Variants in ANAPC4 observed in about 807,000 individuals in gnomAD.
ANAPC4 encodes anaphase promoting complex subunit 4, also known as anaphase-promoting complex subunit 4.
ANAPC4 carries 63 observed loss-of-function variants against 119.8 expected under a neutral mutation model. The ratio of observed to expected loss-of-function variants is 0.53; its 90% CI spans 0.43 to 0.65. The LOEUF is 0.65. Among genes scored for constraint, ANAPC4 ranks in the 30% least tolerant of loss-of-function variants. The pLI is 0.00. For synonymous variants in ANAPC4, 283 were observed against 318.6 expected, an observed-to-expected ratio of 0.89 and a Z score of 1.19; for missense variants, 716 against 945.1, an observed-to-expected ratio of 0.76 and a Z score of 3.18.
Position 25,388,893 on chromosome 4 carries a change from C to A in ANAPC4, c.515+11C>A. On this transcript the variant is annotated intron_variant, in intron 7 of 28. Coordinates refer to ENST00000315368, the MANE Select transcript of ANAPC4 (RefSeq NM_013367.3). Reference sequence around the variant, plus strand: ...CTTGGGAGACGTCAGGTAAATCTTACAGATAAATAAGTCTAATTTCTTAAA... The same window carrying A: ...CTTGGGAGACGTCAGGTAAATCTTAAAGATAAATAAGTCTAATTTCTTAAA... 6.3e-7 allele frequency: 1 copy of A among 1,575,756 alleles called. No individual in the cohort carries two copies. The highest frequency in any genetic ancestry group is 2.3e-5 in the East Asian group (1 of 44,340).
chr4:25,408,908 C>T (rs1723419796), intron 20 of ANAPC4, among the ~76,000 whole-genome samples: 1 of 152,122 alleles, frequency 6.6e-6, no homozygotes, highest in South Asian at 2.1e-4. Context: ...ATTAAAGATT[C>T]GTACTCAAGG....
rs1437964521 is a variant in ANAPC4, at chr4:25,390,217, A to G, written c.597A>G (p.Thr199=). 2 of 1,606,826 alleles carry G rather than the reference A, an allele frequency of 1.2e-6. No homozygotes were observed. The highest frequency in any genetic ancestry group is 8.5e-7 in the Non-Finnish European group (1 of 1,174,722). Residue 199 remains threonine (T), a synonymous_variant, in exon 8 of 29, where the codon ACA becomes ACG. Coordinates refer to ENST00000315368, the MANE Select transcript of ANAPC4 (RefSeq NM_013367.3). ...GAATGTTTAAAATTGCTCGAGTCAC[A>G]GGGGTAAGATTTCTTTAACATTTTC... ...AYGMFKIARV[T]GIAGTCLALC...
Position 25,383,274 on chromosome 4 carries a change from T to C in ANAPC4, c.249T>C (p.Ala83=), listed in dbSNP as rs746836321. 3.1e-6 allele frequency: 5 copies of C among 1,605,360 alleles called. No individual in the cohort carries two copies. The highest frequency in any genetic ancestry group is 4.2e-6 in the Non-Finnish European group (5 of 1,177,368). The change falls in exon 4 of 29, where the codon GCT becomes GCC. Residue 83 remains alanine (A), a synonymous_variant. Transcript: ENST00000315368. ...WRPDGKLLAF[A]LADTKKIVLC... is the part of the protein sequence containing the mutation. Reference sequence around the variant, plus strand: ...TTCTTGTTTTAGTTTTGGCCTTTGCTCTTGCTGATACCAAGAAAATTGTTT... The same window carrying C: ...TTCTTGTTTTAGTTTTGGCCTTTGCCCTTGCTGATACCAAGAAAATTGTTT...
chr4:25,407,285 G>A (rs1415469272), intron 20 of ANAPC4, 32 bp downstream of exon 20: 1 of 1,534,966 alleles, frequency 6.5e-7, no homozygotes, highest in East Asian at 2.3e-5. Flanking sequence ...TAAAACCTTA[G>A]CAGTGTTCAT....
intron 27 of ANAPC4, 189 bp downstream of exon 27, chr4:25,416,787 T>A: frequency 2.6e-6 from 1 of 388,908 alleles, no homozygotes; most frequent in Non-Finnish European, 4.5e-6. Context: ...TTTTTGTCCC[T>A]TTGCTTTACT....
intron 16 of ANAPC4, among the ~76,000 whole-genome samples, chr4:25,397,966 A>AT (rs1255948741): frequency 4.0e-5 from 6 of 151,808 alleles, no homozygotes; most frequent in African/African-American, 1.5e-4. Context: ...GGGTCTTTCT[A>AT]TGTTGCCCAG....
At position 25,417,538 on chromosome 4, in the gene ANAPC4, C is replaced by A. The variant is rs896335286; in HGVS notation, c.2076-78C>A. The A allele has an allele frequency of 6.4e-6, 9 of 1,412,152 alleles. No homozygotes were observed. In the African/African-American group the frequency reaches 8.7e-5, roughly 14 times the overall value. The allele number at this position is 1,412,152 out of a possible 1,614,324, so 87.5% of individuals were successfully genotyped here. ...GAGTAGAAGTCAAAACCATAATTGA[C>A]CCTAATACCACCTGTAGTAAAACTA... On this transcript the variant is annotated intron_variant, in intron 27 of 28. Coordinates refer to ENST00000315368, the MANE Select transcript of ANAPC4 (RefSeq NM_013367.3).
rs201421729 is a variant in ANAPC4 at position 25,380,409 on chromosome 4, T to G, written c.165T>G (p.Val55=). The G allele has an allele frequency of 6.2e-7, 1 of 1,613,382 alleles. No homozygotes were observed. Among genetic ancestry groups the G allele is most frequent in the African/African-American group, 1.3e-5 (1 of 75,054 alleles). ...ATCGACTGGCAAGTTTTCATCGAGTTTGGAGTTTTCCACCAAATGAAAATA... is the reference window on the plus strand; with the variant it reads ...ATCGACTGGCAAGTTTTCATCGAGTGTGGAGTTTTCCACCAAATGAAAATA... ...LLHRLASFHR[V]WSFPPNENTG... Residue 55 remains valine, a synonymous_variant, in exon 3 of 29, where the codon GTT becomes GTG. Coordinates refer to ENST00000315368, the MANE Select transcript of ANAPC4 (RefSeq NM_013367.3).
At chr4:25,404,671 T>C (rs1165865253) in intron 17 of ANAPC4, among the ~76,000 whole-genome samples, 2 of 152,164 alleles carry the variant, frequency 1.3e-5, no homozygotes, top group East Asian at 3.8e-4. Flanking sequence ...GGGCAGGACA[T>C]TGTAGAAAGC....
chr4:25,387,277 A>C (rs1722092048), intron 4 of ANAPC4, among the ~76,000 whole-genome samples: 1 of 152,088 alleles, frequency 6.6e-6, no homozygotes, highest in Non-Finnish European at 1.5e-5. Context: ...TTTTTTGGGG[A>C]AATATGCTAA....
chr4:25,380,237 TGTC>T, intron 2 of ANAPC4, 134 bp from the exon 3 acceptor site: 1 of 530,006 alleles, frequency 1.9e-6, no homozygotes, highest in African/African-American at 1.9e-5. Flanking sequence ...CAGACACTGT[TGTC>T]TTTTTCTATT....
At chr4:25,415,391 T>A in intron 25 of ANAPC4, 75 bp from the exon 26 acceptor site, 2 of 1,153,936 alleles carry the variant, frequency 1.7e-6, no homozygotes, top group Non-Finnish European at 2.5e-6. Flanking sequence ...ACAATCATGT[T>A]CTTTTAAGCC....
chr4:25,414,454 C>T lies in ANAPC4; in HGVS notation c.1686-12C>T, dbSNP rs190809919. ...TTAAATTTTTCTCATTTCTTTTTCC[C>T]TTTTATTTTAGTGAGGATTCTACAC... On this transcript the variant is annotated splice_polypyrimidine_tract_variant and intron_variant, in intron 23 of 28. Coordinates refer to ENST00000315368, the MANE Select transcript of ANAPC4 (RefSeq NM_013367.3). 1 of 1,599,788 alleles carries T rather than the reference C, an allele frequency of 6.3e-7. No individual in the cohort carries two copies. The highest frequency in any genetic ancestry group is 2.2e-5 in the East Asian group (1 of 44,538).
intron 11 of ANAPC4, 123 bp downstream of exon 11, chr4:25,394,014 T>C: frequency 1.2e-6 from 1 of 837,654 alleles, no homozygotes; most frequent in Non-Finnish European, 1.8e-6. Flanking sequence ...TTCTTTCAAA[T>C]GGCTTCGTCT....
At position 25,399,881 on chromosome 4, in the gene ANAPC4, A is replaced by G. The variant is rs538631878; in HGVS notation, c.1214+2982A>G. Reference sequence around the variant, plus strand: ...GGACGATGAAGAACTAGCAAAGGAAATGGGAGAGACAGAACAACCAGAGGA... The same window carrying G: ...GGACGATGAAGAACTAGCAAAGGAAGTGGGAGAGACAGAACAACCAGAGGA... On this transcript the variant is annotated intron_variant, in intron 16 of 28. Transcript: ENST00000315368. Among the ~76,000 whole-genome samples, 23 of 152,332 alleles carry G rather than the reference A, an allele frequency of 1.5e-4. No individual in the cohort carries two copies. The South Asian group carries it at 4.8e-3, about 32-fold the overall frequency.
chr4:25,378,281 G>A (rs899281324), intron 2 of ANAPC4, among the ~76,000 whole-genome samples: 2 of 152,166 alleles, frequency 1.3e-5, no homozygotes, highest in African/African-American at 2.4e-5. Flanking sequence ...GCATCTTTCC[G>A]CCTCTGGCTT....
At chr4:25,415,277 C>G (rs989105485) in intron 25 of ANAPC4, 189 bp from the exon 26 acceptor site, 3 of 450,858 alleles carry the variant, frequency 6.7e-6, no homozygotes, top group Non-Finnish European at 1.2e-5. Context: ...TATTTCTATT[C>G]CAAATGTCTT....
At chr4:25,400,784 A>G (rs1476629456) in intron 16 of ANAPC4, among the ~76,000 whole-genome samples, 1 of 152,140 alleles carries the variant, frequency 6.6e-6, no homozygotes, top group East Asian at 1.9e-4. Context: ...AGGGGCTGAG[A>G]GATGGTGAAA....
intron 2 of ANAPC4, among the ~76,000 whole-genome samples, chr4:25,378,285 C>T (rs1560426025): frequency 6.6e-6 from 1 of 152,222 alleles, no homozygotes. Flanking sequence ...CTTTCCGCCT[C>T]TGGCTTGAGA....
Sources: gnomAD v4.1 joint callset for allele counts (sites outside exome capture counted in the v4.1 genomes callset) on GRCh38, gnomAD v4.1.1 for gene constraint, MANE v1.5 for transcripts, NCBI Gene and HGNC (gene_info 2026-07-23, HGNC 2026-07-21) for gene names.